KLHL7: variants seen among roughly 807,000 people sequenced by gnomAD.
KLHL7 encodes the protein kelch-like protein 7.
In KLHL7, 44 loss-of-function variants were observed where a neutral mutation model predicts 67.4. The observed-to-expected ratio is 0.65, with a 90% CI of 0.51 to 0.84. The LOEUF (loss-of-function observed/expected upper bound fraction) is 0.84. KLHL7 is among the 40% of genes least tolerant of loss of function. The probability of loss-of-function intolerance (pLI) is 0.00; values close to 1 mark genes in which losing one functional copy is unlikely to be tolerated. For synonymous variants in KLHL7, 252 were observed against 243.3 expected (o/e 1.04, Z -0.33); for missense variants, 362 against 718.1 (o/e 0.50, Z 5.67).
intron 4 of KLHL7, among the ~76,000 whole-genome samples, chr7:23,127,897 T>C (rs1783635890): frequency 6.7e-6 from 1 of 148,202 alleles, no homozygotes; most frequent in African/African-American, 2.5e-5. Context: ...AAACAGTAGT[T>C]TGAGGAACAG....
rs752436464 is a variant in KLHL7, at chr7:23,167,866, A to G, written c.1208A>G (p.Tyr403Cys). 1.9e-6 allele frequency: 3 copies of G among 1,614,212 alleles called. No homozygotes were observed. The highest frequency in any genetic ancestry group is 1.1e-5 in the South Asian group (1 of 91,080). Residue 403 changes from tyrosine (Y) to cysteine (C), a missense_variant, in exon 9 of 11, where the codon TAT becomes TGT. Around this residue, in one of 5 missense-constraint regions of KLHL7, gnomAD observed 136 missense variants for 252.7 expected, o/e 0.54. Transcript: ENST00000339077. Reference protein sequence around the residue: ...GNSALYLFECYDTRTESWHTK... With the variant: ...GNSALYLFECCDTRTESWHTK... ...TCAGCTCTGTATTTATTTGAGTGCT[A>G]TGATACGAGAACTGAAAGCTGGCAC...
chr7:23,154,773 G>A (rs1465759336), intron 7 of KLHL7, among the ~76,000 whole-genome samples: 1 of 152,192 alleles, frequency 6.6e-6, no homozygotes, highest in Non-Finnish European at 1.5e-5. Context: ...GATAGAAACA[G>A]AAATATGCGT....
intron 1 of KLHL7, 67 bp downstream of exon 1, chr7:23,106,213 G>A: frequency 1.3e-6 from 2 of 1,579,448 alleles, no homozygotes; most frequent in South Asian, 1.2e-5. Context: ...CCTGGTTCCC[G>A]GGGTGGAACC....
intron 4 of KLHL7, chr7:23,140,544 G>A (rs1784142249): frequency 7.5e-6 from 4 of 533,272 alleles, no homozygotes; most frequent in Non-Finnish European, 1.4e-5. Flanking sequence ...GCGATGGAGC[G>A]AGACTCCGTC....
At chr7:23,163,998 T>G (rs1784925363) in intron 7 of KLHL7, among the ~76,000 whole-genome samples, 1 of 152,158 alleles carries the variant, frequency 6.6e-6, no homozygotes, top group Middle Eastern at 3.2e-3. Context: ...GAACTGCATA[T>G]TCCTCTAGAT....
chr7:23,156,478 C>T (rs551302078), intron 7 of KLHL7, among the ~76,000 whole-genome samples: 12 of 152,254 alleles, frequency 7.9e-5, no homozygotes, highest in African/African-American at 2.9e-4. Context: ...TAATGTCTTA[C>T]GATATTAATA....
At chr7:23,155,722 A>G (rs1784684589) in intron 7 of KLHL7, among the ~76,000 whole-genome samples, 1 of 152,180 alleles carries the variant, frequency 6.6e-6, no homozygotes, top group African/African-American at 2.4e-5. Context: ...TAGATTAATA[A>G]TAATTACACC....
intron 9 of KLHL7, among the ~76,000 whole-genome samples, chr7:23,171,870 T>C (rs1251945990): frequency 6.6e-5 from 10 of 152,140 alleles, no homozygotes; most frequent in Non-Finnish European, 1.5e-4. Flanking sequence ...CCGCCACGCC[T>C]GGCTAATTTT....
intron 7 of KLHL7, among the ~76,000 whole-genome samples, chr7:23,162,643 T>C (rs1267553838): frequency 6.6e-6 from 1 of 152,254 alleles, no homozygotes; most frequent in Non-Finnish European, 1.5e-5. Context: ...GTAAGATGAA[T>C]GAAGCCAAAA....
chr7:23,115,665 TC>T (rs1198190539), intron 1 of KLHL7, among the ~76,000 whole-genome samples: 2 of 151,968 alleles, frequency 1.3e-5, no homozygotes, highest in East Asian at 3.9e-4. Flanking sequence ...TGCCTCAGCC[TC>T]CCGAGCAGCT....
rs199941472 is a variant in KLHL7 at position 23,115,183 on chromosome 7, C to A, written c.121-8594C>A. Among the ~76,000 whole-genome samples, 7 of 152,280 alleles carry A rather than the reference C, an allele frequency of 4.6e-5. No homozygotes were observed. The East Asian group carries it at 1.3e-3, about 29-fold the overall frequency. On this transcript the variant is annotated intron_variant, in intron 1 of 10. Transcript: ENST00000339077. The stretch of plus-strand genomic sequence containing the variant: ...TTGTCCAATTTCAAGGTAGTTGATG[C>A]CACACTTTCCGGTATGTTAGAACGT...
At chr7:23,140,980 A>G in intron 5 of KLHL7, 36 bp downstream of exon 5, 1 of 1,562,146 alleles carries the variant, frequency 6.4e-7, no homozygotes, top group Non-Finnish European at 8.8e-7. Context: ...TTCTTAATAA[A>G]AATGTCTTTA....
intron 6 of KLHL7, among the ~76,000 whole-genome samples, chr7:23,147,396 G>C (rs1784393022): frequency 6.6e-6 from 1 of 151,850 alleles, no homozygotes; most frequent in Non-Finnish European, 1.5e-5. Flanking sequence ...GGCCTACCCT[G>C]GTCATTTTTT....
At chr7:23,128,949 A>G (rs1052261243) in intron 4 of KLHL7, among the ~76,000 whole-genome samples, 2 of 152,196 alleles carry the variant, frequency 1.3e-5, no homozygotes, top group African/African-American at 4.8e-5. Flanking sequence ...ATAATATTCC[A>G]TTGCATGGAT....
intron 9 of KLHL7, among the ~76,000 whole-genome samples, chr7:23,169,833 G>A (rs1785103575): frequency 6.6e-6 from 1 of 152,038 alleles, no homozygotes; most frequent in Non-Finnish European, 1.5e-5. Flanking sequence ...TCCCTTCAAT[G>A]CCCTTAAATT....
chr7:23,120,028 T>C (rs1224765647), intron 1 of KLHL7, among the ~76,000 whole-genome samples: 5 of 152,118 alleles, frequency 3.3e-5, no homozygotes, highest in Admixed American at 6.5e-5. Context: ...TTATTTTATT[T>C]TATTTTTGAG....
chr7:23,165,547 A>T, intron 7 of KLHL7, 151 bp from the exon 8 acceptor site: 1 of 938,062 alleles, frequency 1.1e-6, no homozygotes, highest in East Asian at 2.7e-5. Context: ...ACCACACAAG[A>T]TTAAATTGGT....
chr7:23,106,179 G>T (rs1044413302), intron 1 of KLHL7, 33 bp downstream of exon 1: 2 of 1,604,884 alleles, frequency 1.2e-6, no homozygotes, highest in South Asian at 1.1e-5. Context: ...GGACGACGGT[G>T]GGAGGTGGTC....
At position 23,150,676 on chromosome 7, in the gene KLHL7, G is replaced by A. The variant is rs1260934818; in HGVS notation, c.794-1391G>A. Among the ~76,000 whole-genome samples, 47 of 152,098 alleles carry A rather than the reference G, an allele frequency of 3.1e-4. 1 individual carries two copies. The highest frequency in any genetic ancestry group is 3.1e-3 in the Admixed American group (47 of 15,262). ...AAGGGTGTATACATTTATAATTTTT[G>A]TAGATTGGGCTATATCACCCTTCCC... On this transcript the variant is annotated intron_variant, in intron 6 of 10. Transcript: ENST00000339077.
Sources: gnomAD v4.1 joint callset for allele counts (sites outside exome capture counted in the v4.1 genomes callset) on GRCh38, gnomAD v4.1.1 for gene constraint, gnomAD v4.1.1 regional missense constraint, MANE v1.5 for transcripts, NCBI Gene and HGNC (gene_info 2026-07-23, HGNC 2026-07-21) for gene names.